VWA3B: variants seen among roughly 807,000 people sequenced by gnomAD.
VWA3B encodes von Willebrand factor A domain containing 3B, also known as von Willebrand factor A domain-containing protein 3B.
In VWA3B, 138 loss-of-function variants were observed where a neutral mutation model predicts 158.3. The ratio of observed to expected loss-of-function variants is 0.87; its 90% CI spans 0.76 to 1.00. VWA3B has a LOEUF of 1.00. Ranked by LOEUF, VWA3B falls within the 50% of genes least tolerant of loss-of-function variation. The pLI, the probability that VWA3B is intolerant of heterozygous loss-of-function variation, is 0.00. For synonymous variants in VWA3B, 596 were observed against 587.3 expected (o/e 1.01, Z -0.21); for missense variants, 1,555 against 1,565.1 (o/e 0.99, Z 0.11).
chr2:98,137,099 T>C (rs1676343398), intron 7 of VWA3B, among the ~76,000 whole-genome samples: 1 of 152,232 alleles, frequency 6.6e-6, no homozygotes, highest in South Asian at 2.1e-4. Flanking sequence ...GGAACAATGT[T>C]ATGAATATGG....
At chr2:98,259,093 C>G (rs1254559888) in intron 21 of VWA3B, among the ~76,000 whole-genome samples, 1 of 151,710 alleles carries the variant, frequency 6.6e-6, no homozygotes, top group African/African-American at 2.4e-5. Flanking sequence ...GGTTGAACCA[C>G]TCCTGCATTT....
intron 7 of VWA3B, among the ~76,000 whole-genome samples, chr2:98,142,519 A>T (rs777962028): frequency 4.6e-5 from 7 of 152,272 alleles, no homozygotes; most frequent in Admixed American, 2.0e-4. Flanking sequence ...TCATCTTTCT[A>T]CACTGCCATA....
At chr2:98,174,102 TCTC>T (rs1180742070) in intron 8 of VWA3B, among the ~76,000 whole-genome samples, 5 of 152,266 alleles carry the variant, frequency 3.3e-5, no homozygotes, top group African/African-American at 9.6e-5. Flanking sequence ...CTTCAAAACT[TCTC>T]CTTCATAGAA....
intron 7 of VWA3B, among the ~76,000 whole-genome samples, chr2:98,161,115 G>T (rs190519885): frequency 2.2e-4 from 33 of 152,290 alleles, no homozygotes; most frequent in Non-Finnish European, 4.1e-4. Flanking sequence ...GTGATTGTGG[G>T]ATATTGGGCA....
chr2:98,150,181 G>A lies in VWA3B; in HGVS notation c.989-12670G>A, dbSNP rs534447124. Among the ~76,000 whole-genome samples the A allele has an allele frequency of 6.6e-5, 10 of 152,304 alleles. No individual in the cohort carries two copies. The East Asian group carries it at 1.7e-3, about 26-fold the overall frequency. On this transcript the variant is annotated intron_variant, in intron 7 of 27. Transcript: ENST00000477737. ...CTTCATTGTAAAGGCAAAAATAGAT[G>A]TATCATCATGTAAAAGTATTTATTT...
intron 8 of VWA3B, among the ~76,000 whole-genome samples, chr2:98,167,328 CTT>C (rs1233438739): frequency 6.6e-6 from 1 of 151,574 alleles, no homozygotes; most frequent in Non-Finnish European, 1.5e-5. Flanking sequence ...TTTTTAACCT[CTT>C]TTAATTACCA....
intron 8 of VWA3B, among the ~76,000 whole-genome samples, chr2:98,175,230 G>T (rs1384709841): frequency 6.6e-6 from 1 of 152,152 alleles, no homozygotes; most frequent in Non-Finnish European, 1.5e-5. Flanking sequence ...AGGAAGCCCA[G>T]ACATTGACCT....
intron 7 of VWA3B, among the ~76,000 whole-genome samples, chr2:98,151,851 T>C (rs536834993): frequency 6.6e-6 from 1 of 152,350 alleles, no homozygotes; most frequent in South Asian, 2.1e-4. Context: ...ATTCCATTAA[T>C]GGTAGTTTCC....
chr2:98,303,849 G>T (rs769498917), intron 26 of VWA3B, 47 bp downstream of exon 26: 1 of 1,571,004 alleles, frequency 6.4e-7, no homozygotes, highest in African/African-American at 1.4e-5. Context: ...TTATATCCTT[G>T]CACCTTTAAT....
At position 98,228,226 on chromosome 2, in the gene VWA3B, A is replaced by G; in HGVS notation, c.2044A>G (p.Lys682Glu). The G allele has an allele frequency of 1.9e-6, 3 of 1,613,408 alleles. No individual in the cohort carries two copies. The highest frequency in any genetic ancestry group is 2.7e-5 in the African/African-American group (2 of 75,032). Reference protein sequence around the residue: ...VQNEDLTLLVKEMEQGHSDLE... With the variant: ...VQNEDLTLLVEEMEQGHSDLE... Reference sequence around the variant, plus strand: ...GAATGAAGATCTGACTCTTTTAGTTAAGGAAATGGAACAGGGTCACAGTGA... The same window carrying G: ...GAATGAAGATCTGACTCTTTTAGTTGAGGAAATGGAACAGGGTCACAGTGA... Residue 682 changes from lysine (K) to glutamate (E), a missense_variant, in exon 15 of 28, where the codon AAG becomes GAG. Physicochemically the swap from Lys to Glu is moderately conservative, Grantham distance 56. Coordinates refer to ENST00000477737, the MANE Select transcript of VWA3B (RefSeq NM_144992.5).
Position 98,209,880 on chromosome 2 carries a change from G to A in VWA3B, c.1738-2050G>A, listed in dbSNP as rs547313679. ...TTATTCGGCGCAGTCGCTGTGTTTG[G>A]GTGTAGCATGTTTGCTCTGGCTTAC... On this transcript the variant is annotated intron_variant, in intron 12 of 27. Transcript: ENST00000477737. Among the ~76,000 whole-genome samples, 29 of 152,268 alleles carry A rather than the reference G, an allele frequency of 1.9e-4. 1 individual carries two copies. Among genetic ancestry groups the A allele is most frequent in the African/African-American group, 7.0e-4 (29 of 41,544 alleles).
At chr2:98,285,612 C>T (rs2105932579) in intron 22 of VWA3B, among the ~76,000 whole-genome samples, 1 of 151,858 alleles carries the variant, frequency 6.6e-6, no homozygotes, top group Non-Finnish European at 1.5e-5. Flanking sequence ...ATATCACTAT[C>T]CTATGTCAGT....
chr2:98,235,700 T>C (rs1353442037), intron 17 of VWA3B, among the ~76,000 whole-genome samples: 1 of 152,066 alleles, frequency 6.6e-6, no homozygotes, highest in African/African-American at 2.4e-5. Flanking sequence ...TGCTGGGATT[T>C]TGGCCGGGCA....
intron 8 of VWA3B, among the ~76,000 whole-genome samples, chr2:98,175,934 GTAC>G (rs1401112214): frequency 6.6e-6 from 1 of 152,164 alleles, no homozygotes; most frequent in Non-Finnish European, 1.5e-5. Flanking sequence ...TTATTGCATG[GTAC>G]TTTAGCAAGT....
intron 12 of VWA3B, among the ~76,000 whole-genome samples, chr2:98,200,739 A>G (rs887217682): frequency 6.6e-6 from 1 of 152,172 alleles, no homozygotes; most frequent in African/African-American, 2.4e-5. Context: ...TTTTAGACCC[A>G]TAGCTAAACA....
At chr2:98,202,483 T>C (rs1351177471) in intron 12 of VWA3B, among the ~76,000 whole-genome samples, 1 of 151,900 alleles carries the variant, frequency 6.6e-6, no homozygotes. Flanking sequence ...TTCTAATTTT[T>C]AACAAATGTT....
At position 98,284,052 on chromosome 2, in the gene VWA3B, A is replaced by T. The variant is rs371136822; in HGVS notation, c.3046-6459A>T. Among the ~76,000 whole-genome samples, 49 of 152,348 alleles carry T rather than the reference A, an allele frequency of 3.2e-4. No individual in the cohort carries two copies. The East Asian group carries it at 5.2e-3, about 16-fold the overall frequency. On this transcript the variant is annotated intron_variant, in intron 22 of 27. Coordinates refer to ENST00000477737, the MANE Select transcript of VWA3B (RefSeq NM_144992.5). Reference sequence around the variant, plus strand: ...AGTGATGGTGAATTCTCTTTGATGTACTGATTGCCTCAGCAAATGTGCAAG... The same window carrying T: ...AGTGATGGTGAATTCTCTTTGATGTTCTGATTGCCTCAGCAAATGTGCAAG...
the VWA3B span, among the ~76,000 whole-genome samples, chr2:98,322,638 G>T: frequency 3.3e-5 from 5 of 152,332 alleles, no homozygotes; most frequent in East Asian, 7.7e-4. Context: ...AAATGCATTT[G>T]CAAGCCATGT....
chr2:98,241,891 G>A (rs937200359), intron 19 of VWA3B, among the ~76,000 whole-genome samples: 1 of 152,096 alleles, frequency 6.6e-6, no homozygotes, highest in Admixed American at 6.5e-5. Flanking sequence ...CACATCCAAA[G>A]CACTTTTGTA....
Sources: allele counts gnomAD v4.1 joint callset (sites outside exome capture counted in the v4.1 genomes callset), GRCh38; gene constraint gnomAD v4.1.1; transcripts MANE v1.5; gene names NCBI Gene and HGNC (gene_info 2026-07-23, HGNC 2026-07-21).